Variants in DPP8 observed in about 807,000 individuals in gnomAD.
The protein encoded by DPP8 is dipeptidyl peptidase 8, also known as DPP VIII.
A neutral mutation model predicts 107.5 loss-of-function variants in DPP8; 31 were observed. The ratio of observed to expected loss-of-function variants is 0.29; its 90% CI spans 0.22 to 0.39. The LOEUF is 0.39. DPP8 is among the 10% of genes least tolerant of loss of function. DPP8 has a pLI of 1.00. For synonymous variants in DPP8, 381 were observed against 356.6 expected, an observed-to-expected ratio of 1.07 and a Z score of -0.77; for missense variants, 842 against 1,076.1, an observed-to-expected ratio of 0.78 and a Z score of 3.04.
intron 1 of DPP8, chr15:65,517,284 G>C (rs2071571315): frequency 6.6e-6 from 1 of 152,670 alleles, no homozygotes; most frequent in Non-Finnish European, 1.5e-5. Flanking sequence ...CAGAGCCTCG[G>C]CTTCCTCTTC....
Position 65,485,171 on chromosome 15 carries a change from A to G in DPP8, c.956-11T>C. 6.3e-7 allele frequency: 1 copy of G among 1,575,946 alleles called. No individual in the cohort carries two copies. The highest frequency in any genetic ancestry group is 1.1e-5 in the South Asian group (1 of 90,132). On this transcript the variant is annotated splice_polypyrimidine_tract_variant and intron_variant, in intron 7 of 19. Transcript: ENST00000300141. The stretch of plus-strand genomic sequence containing the variant: ...TAGGATTTGCTGTACCTTTAGAAAG[A>G]GACATAAATGATAGTAATGTTTATC...
chr15:65,474,221 C>A lies in DPP8; in HGVS notation c.1524G>T (p.Arg508=). The A allele has an allele frequency of 6.2e-7, 1 of 1,610,758 alleles. No homozygotes were observed. The highest frequency in any genetic ancestry group is 8.5e-7 in the Non-Finnish European group (1 of 1,177,070). The change falls in exon 12 of 20, where the codon CGG becomes CGT. Residue 508 remains arginine, a synonymous_variant. Coordinates refer to ENST00000300141, the MANE Select transcript of DPP8 (RefSeq NM_130434.5). ...TAAAATAACATACATTAGATCCATG[C>A]CGGCCAAGAACTTCCCATTCACCAC... The part of the protein sequence containing the change: ...ITSGEWEVLG[R]HGSNIQVDEV...
chr15:65,479,904 A>AACAT (rs2066757527), intron 10 of DPP8, among the ~76,000 whole-genome samples: 1 of 151,826 alleles, frequency 6.6e-6, no homozygotes, highest in Non-Finnish European at 1.5e-5. Flanking sequence ...ACAGTTTACC[A>AACAT]ACATAAAAGA....
chr15:65,450,692 A>G (rs965753348), intron 19 of DPP8: 4 of 191,798 alleles, frequency 2.1e-5, no homozygotes, highest in African/African-American at 7.0e-5. Context: ...CTCACCCTTC[A>G]AAGTGGAAAA....
At chr15:65,458,169 T>C (rs1309894375) in intron 15 of DPP8, among the ~76,000 whole-genome samples, 3 of 152,216 alleles carry the variant, frequency 2.0e-5, no homozygotes, top group Non-Finnish European at 4.4e-5. Context: ...CTTCAAAACC[T>C]GTGTCCTGTT....
At chr15:65,506,515 G>C (rs377730106) in intron 3 of DPP8, among the ~76,000 whole-genome samples, 18 of 151,756 alleles carry the variant, frequency 1.2e-4, no homozygotes, top group Non-Finnish European at 1.9e-4. Flanking sequence ...GTGGGAAGCC[G>C]AGGCAGGCAG....
intron 12 of DPP8, among the ~76,000 whole-genome samples, chr15:65,472,617 T>C (rs936128389): frequency 1.3e-5 from 2 of 152,190 alleles, no homozygotes; most frequent in Non-Finnish European, 2.9e-5. Context: ...CAATTTATAA[T>C]GTAGACACAA....
rs1442252346 is a variant in DPP8, at chr15:65,448,906, A to G, written c.2527-1900T>C. 2.1e-3 allele frequency among the ~76,000 whole-genome samples: 174 copies of G among 81,916 alleles called. 10 individuals carry two copies. The East Asian group carries it at 0.025, about 12-fold the overall frequency. The allele number at this position is 81,916 out of a possible 152,430, so 53.7% of individuals were successfully genotyped here. On this transcript the variant is annotated intron_variant, in intron 19 of 19. Transcript: ENST00000300141. ...TATATATATATATATATATATATAT[A>G]TATATATATATATATATTTAGCCTG...
Position 65,445,284 on chromosome 15 carries a change from A to T in DPP8, c.*1600T>A, listed in dbSNP as rs1251536571. The T allele has an allele frequency of 2.6e-5, 4 of 152,168 alleles. No individual in the cohort carries two copies. The highest frequency in any genetic ancestry group is 4.4e-5 in the Non-Finnish European group (3 of 68,030). The allele number at this position is 152,168 out of a possible 1,614,324, so 9.4% of individuals were successfully genotyped here. ...ACTCTCTCTGTAGTGATGAGAAAGA[A>T]ATATAGCAAATTTTCTTGGAGTGTT... is the stretch of plus-strand genomic sequence containing the variant. On this transcript the variant is annotated 3_prime_UTR_variant, in exon 20 of 20. Transcript: ENST00000300141.
chr15:65,474,729 A>G (rs995041426), intron 11 of DPP8, among the ~76,000 whole-genome samples: 1 of 152,236 alleles, frequency 6.6e-6, no homozygotes, highest in African/African-American at 2.4e-5. Context: ...TTGGCCTCTC[A>G]AAGTGCTGGG....
Position 65,500,597 on chromosome 15 carries a change from C to A in DPP8, c.546+9G>T. ...AAACCAGATTTAATCACTAGCAACT[C>A]CAACTTACCGTAAATCCTTGTGGCC... On this transcript the variant is annotated intron_variant, in intron 4 of 19. Transcript: ENST00000300141. 1 of 1,612,670 alleles carries A rather than the reference C, an allele frequency of 6.2e-7. No individual in the cohort carries two copies. The highest frequency in any genetic ancestry group is 8.5e-7 in the Non-Finnish European group (1 of 1,178,860).
chr15:65,483,161 T>C (rs1047000960), intron 8 of DPP8, among the ~76,000 whole-genome samples: 2 of 151,696 alleles, frequency 1.3e-5, no homozygotes, highest in Non-Finnish European at 2.9e-5. Context: ...GTAAATATAA[T>C]GGACAAGAAG....
intron 2 of DPP8, among the ~76,000 whole-genome samples, chr15:65,508,525 A>AAAC (rs1555473265): frequency 6.6e-6 from 1 of 152,188 alleles, no homozygotes; most frequent in Non-Finnish European, 1.5e-5. Flanking sequence ...GAACCAAAGA[A>AAAC]AACATAAGGT....
At chr15:65,515,640 T>C (rs771896483) in intron 1 of DPP8, 1 of 1,612,878 alleles carries the variant, frequency 6.2e-7, no homozygotes, top group South Asian at 1.1e-5. Flanking sequence ...ACTTAAGTAG[T>C]TTCCCTGGTG....
intron 18 of DPP8, 64 bp from the exon 19 acceptor site, chr15:65,451,174 CTTAT>C: frequency 2.2e-6 from 2 of 923,250 alleles, no homozygotes; most frequent in Non-Finnish European, 3.5e-6. Flanking sequence ...AACCATTTCA[CTTAT>C]TTAATCATAC....
intron 14 of DPP8, among the ~76,000 whole-genome samples, chr15:65,465,569 CTT>C (rs556724106): frequency 6.3e-4 from 81 of 128,368 alleles, no homozygotes; most frequent in Admixed American, 6.4e-4. Flanking sequence ...CCAGTCCATT[CTT>C]TTTTTTTTTT....
intron 15 of DPP8, chr15:65,458,452 G>C (rs1426339436): frequency 6.6e-6 from 1 of 151,960 alleles, no homozygotes; most frequent in African/African-American, 2.4e-5. Flanking sequence ...ATAAGGTCGG[G>C]GTTTCACCAT....
chr15:65,492,943 A>AT (rs1387905395), intron 5 of DPP8, among the ~76,000 whole-genome samples: 1 of 151,956 alleles, frequency 6.6e-6, no homozygotes, highest in Non-Finnish European at 1.5e-5. Context: ...GCTTATTTAT[A>AT]TTTTCTATAT....
At chr15:65,516,418 G>A (rs2071442784) in intron 1 of DPP8, 1 of 150,018 alleles carries the variant, frequency 6.7e-6, no homozygotes, top group African/African-American at 2.5e-5. Context: ...TAAACTTGTT[G>A]AAATTCTGGC....
Sources: allele counts gnomAD v4.1 joint callset (sites outside exome capture counted in the v4.1 genomes callset), GRCh38; gene constraint gnomAD v4.1.1; transcripts MANE v1.5; gene names NCBI Gene and HGNC (gene_info 2026-07-23, HGNC 2026-07-21).